ZNF613: variants seen among roughly 807,000 people sequenced by gnomAD.
ZNF613 encodes zinc finger protein 613.
A neutral mutation model predicts 14.3 loss-of-function variants in ZNF613; 8 were observed. The observed-to-expected ratio is 0.56, with a 90% CI of 0.33 to 1.01. The LOEUF (loss-of-function observed/expected upper bound fraction) is 1.01. Ranked by LOEUF, ZNF613 falls within the 50% of genes least tolerant of loss-of-function variation. The pLI, the probability that ZNF613 is intolerant of heterozygous loss-of-function variation, is 0.03. For synonymous variants in ZNF613, 228 were observed against 254.5 expected (o/e 0.90, Z 0.99); for missense variants, 656 against 741.9 (o/e 0.88, Z 1.35).
Position 51,945,680 on chromosome 19 carries a change from G to A in ZNF613, c.1797G>A (p.Val599=). ...AFQAESKVAI[V]SQPVARSSVS... The stretch of plus-strand genomic sequence containing the variant: ...AAGCAGAGAGCAAAGTAGCCATTGT[G>A]AGCCAGCCTGTTGCCAGAAGTTCAG... The change falls in exon 6 of 6, where the codon GTG becomes GTA. Residue 599 remains valine (V), a synonymous_variant. Coordinates refer to ENST00000293471, the MANE Select transcript of ZNF613 (RefSeq NM_001031721.4). 1 of 1,614,158 alleles carries A rather than the reference G, an allele frequency of 6.2e-7. No individual in the cohort carries two copies. Among genetic ancestry groups the A allele is most frequent in the South Asian group, 1.1e-5 (1 of 91,074 alleles).
chr19:51,938,725 G>GATAGATATATATATATATATATAT (rs1413058995), intron 3 of ZNF613, among the ~76,000 whole-genome samples: 6 of 118,884 alleles, frequency 5.0e-5, no homozygotes, highest in African/African-American at 2.0e-4. Flanking sequence ...AATGTACATG[G>GATAGATATATATATATATATATAT]ATATATATAT....
intron 2 of ZNF613, among the ~76,000 whole-genome samples, 171 bp from the exon 3 acceptor site, chr19:51,935,857 T>C (rs1384939159): frequency 2.0e-5 from 3 of 152,170 alleles, no homozygotes; most frequent in Admixed American, 1.3e-4. Flanking sequence ...ACCTGTAGAA[T>C]CTTATGTTTT....
chr19:51,941,941 C>G (rs1164169045), intron 5 of ZNF613, among the ~76,000 whole-genome samples: 1 of 152,210 alleles, frequency 6.6e-6, no homozygotes, highest in Admixed American at 6.5e-5. Context: ...ATTAATTCTG[C>G]CTATTATTTA....
intron 2 of ZNF613, among the ~76,000 whole-genome samples, chr19:51,934,797 G>A (rs2085293536): frequency 6.6e-6 from 1 of 152,152 alleles, no homozygotes; most frequent in Non-Finnish European, 1.5e-5. Flanking sequence ...TCATGGGAAA[G>A]GAAGCCTTGC....
chr19:51,937,609 C>A (rs903559767), intron 3 of ZNF613, among the ~76,000 whole-genome samples: 1 of 152,090 alleles, frequency 6.6e-6, no homozygotes, highest in Non-Finnish European at 1.5e-5. Context: ...TATGCACTGA[C>A]TCTCAGGAGA....
intron 1 of ZNF613, among the ~76,000 whole-genome samples, chr19:51,928,748 G>C (rs554326449): frequency 2.0e-5 from 3 of 151,766 alleles, no homozygotes; most frequent in South Asian, 4.2e-4. Context: ...TCAGCTACTC[G>C]GGAGGCTGAG....
At chr19:51,937,301 G>T (rs1053574063) in intron 3 of ZNF613, among the ~76,000 whole-genome samples, 1 of 152,240 alleles carries the variant, frequency 6.6e-6, no homozygotes, top group African/African-American at 2.4e-5. Context: ...CTGAAGTGAG[G>T]TTGGTCTTGT....
intron 4 of ZNF613, 111 bp downstream of exon 4, chr19:51,940,446 T>G (rs566012734): frequency 1.3e-6 from 2 of 1,575,144 alleles, no homozygotes; most frequent in African/African-American, 2.7e-5. Flanking sequence ...GTAGATTCTG[T>G]ACCCTCTCTG....
Position 51,945,288 on chromosome 19 carries a change from T to G in ZNF613, c.1405T>G (p.Ser469Ala). The G allele has an allele frequency of 1.2e-6, 2 of 1,613,934 alleles. No homozygotes were observed. Among genetic ancestry groups the G allele is most frequent in the Non-Finnish European group, 1.7e-6 (2 of 1,179,970 alleles). ...TECGKSCSHK[S>A]GLINHQRIHT... Reference sequence around the variant, plus strand: ...GTGTGGAAAATCCTGCTCACACAAGTCAGGTCTCATTAACCACCAGAGAAT... The same window carrying G: ...GTGTGGAAAATCCTGCTCACACAAGGCAGGTCTCATTAACCACCAGAGAAT... The change falls in exon 6 of 6, where the codon TCA (serine) becomes GCA (alanine). Residue 469 changes from serine (S) to alanine (A), a missense_variant. Coordinates refer to ENST00000293471, the MANE Select transcript of ZNF613 (RefSeq NM_001031721.4).
Position 51,944,204 on chromosome 19 carries a change from T to G in ZNF613, c.321T>G (p.Asn107Lys), listed in dbSNP as rs762849050. The G allele has an allele frequency of 5.6e-6, 9 of 1,607,756 alleles. No individual in the cohort carries two copies. The East Asian group carries it at 2.0e-4, about 36-fold the overall frequency. ...GAGTGGAACAATGCCATAAACATAA[T>G]GCATTTGGAAACATCATTCATCAGA... ...LKRVEQCHKH[N>K]AFGNIIHQRK... The change falls in exon 6 of 6, where the codon AAT (asparagine) becomes AAG (lysine). Residue 107 changes from asparagine to lysine, a missense_variant. Transcript: ENST00000293471.
At chr19:51,935,771 C>T (rs1251316189) in intron 2 of ZNF613, among the ~76,000 whole-genome samples, 1 of 152,156 alleles carries the variant, frequency 6.6e-6, no homozygotes, top group African/African-American at 2.4e-5. Context: ...GCTGGTTCTC[C>T]TTTCCCATCT....
At chr19:51,929,566 A>T (rs2085247268) in intron 1 of ZNF613, among the ~76,000 whole-genome samples, 166 bp from the exon 2 acceptor site, 1 of 152,246 alleles carries the variant, frequency 6.6e-6, no homozygotes, top group African/African-American at 2.4e-5. Flanking sequence ...TCTCCAGGTT[A>T]CAAAAACTTT....
chr19:51,944,162 G>A lies in ZNF613; in HGVS notation c.279G>A (p.Lys93=). 6.4e-7 allele frequency: 1 copy of A among 1,553,124 alleles called. No individual in the cohort carries two copies. Among genetic ancestry groups the A allele is most frequent in the Non-Finnish European group, 8.7e-7 (1 of 1,150,132 alleles). The stretch of plus-strand genomic sequence containing the variant: ...ATCATCTACAGATGCACTCACAAAA[G>A]CAAAGATGTCTGAAGAGAGTGGAAC... ...VDNHLQMHSQ[K]QRCLKRVEQC... Residue 93 remains lysine, a synonymous_variant, in exon 6 of 6, where the codon AAG becomes AAA. Coordinates refer to ENST00000293471, the MANE Select transcript of ZNF613 (RefSeq NM_001031721.4).
Position 51,944,870 on chromosome 19 carries a change from C to T in ZNF613, c.987C>T (p.Ser329=). The stretch of plus-strand genomic sequence containing the variant: ...GTGGGAAGGCCTTCTCCAAAAGGTC[C>T]AGGCTCACTGAACACCAGAGAACTC... ...SLCGKAFSKR[S]RLTEHQRTHT... Residue 329 remains serine, a synonymous_variant, in exon 6 of 6, where the codon TCC becomes TCT. Coordinates refer to ENST00000293471, the MANE Select transcript of ZNF613 (RefSeq NM_001031721.4). 2 of 1,613,500 alleles carry T rather than the reference C, an allele frequency of 1.2e-6. No homozygotes were observed. Among genetic ancestry groups the T allele is most frequent in the Non-Finnish European group, 1.7e-6 (2 of 1,179,928 alleles).
chr19:51,932,506 G>A (rs529115045), intron 2 of ZNF613, among the ~76,000 whole-genome samples: 75 of 150,224 alleles, frequency 5.0e-4, no homozygotes, highest in African/African-American at 1.7e-3. Context: ...CATGTTGGTC[G>A]GGCTAGTCTC....
At chr19:51,935,591 C>T (rs577573132) in intron 2 of ZNF613, among the ~76,000 whole-genome samples, 1 of 152,336 alleles carries the variant, frequency 6.6e-6, no homozygotes, top group South Asian at 2.1e-4. Flanking sequence ...TGGCTTAATA[C>T]ATTTGTCTTC....
chr19:51,929,979 A>G (rs892274766), intron 2 of ZNF613, 83 bp downstream of exon 2: 2 of 152,190 alleles, frequency 1.3e-5, no homozygotes, highest in Non-Finnish European at 2.9e-5. Flanking sequence ...GCTTTTCCTA[A>G]TTACAGGTCT....
At chr19:51,937,871 A>C (rs1213144505) in intron 3 of ZNF613, among the ~76,000 whole-genome samples, 1 of 151,630 alleles carries the variant, frequency 6.6e-6, no homozygotes, top group Non-Finnish European at 1.5e-5. Flanking sequence ...CTGAGATTAC[A>C]GGCATGCACT....
chr19:51,938,403 C>T (rs966565030), intron 3 of ZNF613, among the ~76,000 whole-genome samples: 2 of 151,948 alleles, frequency 1.3e-5, no homozygotes, highest in Non-Finnish European at 2.9e-5. Flanking sequence ...CCTCAAGTAG[C>T]TAGGCATGTG....
Sources: gnomAD v4.1 joint callset for allele counts (sites outside exome capture counted in the v4.1 genomes callset) on GRCh38, gnomAD v4.1.1 for gene constraint, MANE v1.5 for transcripts, NCBI Gene and HGNC (gene_info 2026-07-23, HGNC 2026-07-21) for gene names.